The following CASK variants were observed in gnomAD, a reference collection of about 807,000 sequenced individuals.
CASK encodes peripheral plasma membrane protein CASK.
Under a neutral mutation model 82.9 loss-of-function variants are expected in CASK, and 4 were observed. The observed-to-expected ratio is 0.05, with a 90% CI of 0.02 to 0.11. The LOEUF is 0.11. CASK is among the 10% of genes least tolerant of loss of function. The pLI is 1.00. For synonymous variants in CASK, 259 were observed against 253.5 expected, an observed-to-expected ratio of 1.02 and a Z score of -0.20; for missense variants, 358 against 720.9, an observed-to-expected ratio of 0.50 and a Z score of 5.76.
At chrX:41,703,490 A>G (rs187307294) in intron 5 of CASK, among the ~76,000 whole-genome samples, 1 of 112,330 alleles carries the variant, frequency 8.9e-6, no homozygotes, top group East Asian at 2.8e-4. Context: ...AACTCTTTTC[A>G]CTCAAATTTT....
intron 5 of CASK, chrX:41,696,745 C>T (rs1416165884): frequency 8.4e-7 from 1 of 1,194,973 alleles, no homozygotes; most frequent in Middle Eastern, 2.3e-4. Flanking sequence ...ACATCTGTGG[C>T]AGTGAAAATA....
At chrX:41,858,314 C>T (rs756854116) in intron 1 of CASK, among the ~76,000 whole-genome samples, 1 of 112,371 alleles carries the variant, frequency 8.9e-6, no homozygotes, top group South Asian at 3.7e-4. Flanking sequence ...GGTAGGTGAG[C>T]TGCATCCAGA....
chrX:41,794,173 G>GA (rs1257034355), intron 2 of CASK, among the ~76,000 whole-genome samples: 1 of 111,345 alleles, frequency 9.0e-6, no homozygotes, highest in East Asian at 2.8e-4. Flanking sequence ...CTTGCCCATT[G>GA]AAAAAAAATT....
At chrX:41,564,442 C>T (rs1465403141) in intron 16 of CASK, among the ~76,000 whole-genome samples, 4 of 111,468 alleles carry the variant, frequency 3.6e-5, no homozygotes, top group African/African-American at 1.3e-4. Flanking sequence ...TCACTACAGC[C>T]TCGAACTCCT....
chrX:41,695,951 C>T, intron 5 of CASK: 1 of 1,203,953 alleles, frequency 8.3e-7, no homozygotes, highest in Non-Finnish European at 1.1e-6. Flanking sequence ...TCATCTTCTG[C>T]CTCCCTTTCC....
intron 26 of CASK, among the ~76,000 whole-genome samples, chrX:41,521,175 G>A (rs1361555723): frequency 8.9e-6 from 1 of 112,521 alleles, no homozygotes; most frequent in Non-Finnish European, 1.9e-5. Context: ...GGTGCCACAC[G>A]TTCTAGGAAT....
intron 2 of CASK, among the ~76,000 whole-genome samples, chrX:41,796,387 C>G (rs187068067): frequency 8.9e-6 from 1 of 112,318 alleles, no homozygotes; most frequent in African/African-American, 3.2e-5. Flanking sequence ...GGAAATCATT[C>G]TATGTTTAAC....
At chrX:41,668,881 C>T (rs965068368) in intron 6 of CASK, among the ~76,000 whole-genome samples, 1 of 110,058 alleles carries the variant, frequency 9.1e-6, no homozygotes, top group Admixed American at 9.7e-5. Flanking sequence ...GCTCTTGTCA[C>T]CATGCCTGGC....
chrX:41,898,014 T>C (rs2148059239), intron 1 of CASK, among the ~76,000 whole-genome samples: 1 of 112,034 alleles, frequency 8.9e-6, no homozygotes, highest in South Asian at 3.7e-4. Context: ...TATTCCCTCT[T>C]CAATTTTTTG....
At chrX:41,538,449 G>A (rs1227240614) in intron 22 of CASK, among the ~76,000 whole-genome samples, 1 of 111,538 alleles carries the variant, frequency 9.0e-6, no homozygotes, top group Non-Finnish European at 1.9e-5. Context: ...TGGAAGTCCT[G>A]GGGGCTGAGG....
At chrX:41,817,037 T>C in intron 2 of CASK, among the ~76,000 whole-genome samples, 1 of 111,615 alleles carries the variant, frequency 9.0e-6, no homozygotes, top group East Asian at 2.8e-4. Context: ...AAAAGAAAAC[T>C]AGAGGCCAAT....
intron 1 of CASK, among the ~76,000 whole-genome samples, chrX:41,903,941 A>G (rs2072427042): frequency 8.9e-6 from 1 of 112,082 alleles, no homozygotes; most frequent in African/African-American, 3.2e-5. Context: ...GGTTTTTAGT[A>G]TATTCACAAA....
chrX:41,727,721 G>A lies in CASK; in HGVS notation c.429+11663C>T, dbSNP rs1488461080. On this transcript the variant is annotated intron_variant, in intron 5 of 26. Coordinates refer to ENST00000378163, the MANE Select transcript of CASK (RefSeq NM_001367721.1). ...TTTGTAAGCCATCTGAGAAAAATAA[G>A]AACCTGTACGTCCATTATGGAGAAA... 2.5e-6 allele frequency: 3 copies of A among 1,201,835 alleles called. No individual in the cohort carries two copies. In the African/African-American group the frequency reaches 5.3e-5, roughly 21 times the overall value.
At chrX:41,637,667 AGG>A (rs2147372030) in intron 8 of CASK, among the ~76,000 whole-genome samples, 1 of 108,345 alleles carries the variant, frequency 9.2e-6, no homozygotes, top group South Asian at 4.3e-4. Flanking sequence ...TTTTAGAGAC[AGG>A]GTCTCATTCT....
At chrX:41,538,338 A>C (rs1462950075) in intron 22 of CASK, among the ~76,000 whole-genome samples, 5 of 112,050 alleles carry the variant, frequency 4.5e-5, no homozygotes, top group African/African-American at 1.6e-4. Flanking sequence ...TGTGTATGTA[A>C]ATAGAGTATT....
intron 9 of CASK, among the ~76,000 whole-genome samples, chrX:41,630,253 A>G (rs1345371542): frequency 8.9e-6 from 1 of 112,045 alleles, no homozygotes; most frequent in Non-Finnish European, 1.9e-5. Context: ...GCATTTAAGG[A>G]AGTGGAAAAC....
chrX:41,903,591 T>C (rs1308747464), intron 1 of CASK, among the ~76,000 whole-genome samples: 1 of 111,999 alleles, frequency 8.9e-6, no homozygotes, highest in Non-Finnish European at 1.9e-5. Flanking sequence ...GGACTCCTAG[T>C]AGAACAGTCA....
At chrX:41,539,400 ATT>A (rs1251553247) in intron 22 of CASK, among the ~76,000 whole-genome samples, 1 of 112,454 alleles carries the variant, frequency 8.9e-6, no homozygotes, top group Non-Finnish European at 1.9e-5. Flanking sequence ...ATTCTCAAAG[ATT>A]TGAAGCAGGA....
chrX:41,717,006 G>A (rs186416012), intron 5 of CASK, among the ~76,000 whole-genome samples: 153 of 110,069 alleles, frequency 1.4e-3, no homozygotes, highest in African/African-American at 4.8e-3. Flanking sequence ...TTTCTTGCTC[G>A]TTGCCCTTAG....
Sources: allele counts gnomAD v4.1 joint callset (sites outside exome capture counted in the v4.1 genomes callset), GRCh38; gene constraint gnomAD v4.1.1; transcripts MANE v1.5; gene names NCBI Gene and HGNC (gene_info 2026-07-23, HGNC 2026-07-21).